Variants in CNTLN observed in about 807,000 individuals in gnomAD.
CNTLN encodes the protein centlein.
A neutral mutation model predicts 180.0 loss-of-function variants in CNTLN; 212 were observed. The ratio of observed to expected loss-of-function variants is 1.18; its 90% CI spans 1.05 to 1.32. The LOEUF (loss-of-function observed/expected upper bound fraction) is 1.32. Ranked by LOEUF, CNTLN falls within the 40% of genes most tolerant of loss-of-function variation. The pLI is 0.00. For missense variants in CNTLN, 2,095 were observed against 1,610.9 expected (o/e 1.30, Z -5.14); for synonymous variants, 722 against 563.1 (o/e 1.28, Z -3.99).
rs944574845 is a variant in CNTLN at position 17,309,366 on chromosome 9, G to A, written c.1341+114G>A. 43 of 841,330 alleles carry A rather than the reference G, an allele frequency of 5.1e-5. No homozygotes were observed. The African/African-American group carries it at 5.3e-4, about 10-fold the overall frequency. 52.1% of individuals were successfully genotyped at this position (841,330 alleles called of 1,614,324 possible). ...ATTTGCATTTATTGGAGTATAAGAA[G>A]TGTGCAGATTGTTTTGCATTATACT... is the stretch of plus-strand genomic sequence containing the variant. On this transcript the variant is annotated intron_variant, in intron 8 of 25. Transcript: ENST00000380647.
At chr9:17,453,809 G>T (rs1454271576) in intron 18 of CNTLN, among the ~76,000 whole-genome samples, 4 of 152,156 alleles carry the variant, frequency 2.6e-5, no homozygotes, top group African/African-American at 7.2e-5. Context: ...CTTGTAGCTC[G>T]TCTCATAACA....
At chr9:17,388,030 G>T in intron 13 of CNTLN, 132 bp from the exon 14 acceptor site, 2 of 469,144 alleles carry the variant, frequency 4.3e-6, no homozygotes, top group Non-Finnish European at 7.4e-6. Flanking sequence ...TTAGTTACTG[G>T]CCAAATACTT....
At chr9:17,166,082 A>G (rs970471073) in intron 2 of CNTLN, among the ~76,000 whole-genome samples, 7 of 152,234 alleles carry the variant, frequency 4.6e-5, no homozygotes, top group Non-Finnish European at 1.0e-4. Context: ...AACCAGAAGT[A>G]ACAGAAAAAT....
At chr9:17,368,534 C>A (rs1412348490) in intron 13 of CNTLN, among the ~76,000 whole-genome samples, 1 of 152,142 alleles carries the variant, frequency 6.6e-6, no homozygotes, top group Non-Finnish European at 1.5e-5. Context: ...TACAGTGGGC[C>A]TTGGGTGAGA....
rs1817613920 is a variant in CNTLN, at chr9:17,135,199, C to T, written c.134C>T (p.Ala45Val). 1.2e-6 allele frequency: 2 copies of T among 1,610,524 alleles called. No homozygotes were observed. The highest frequency in any genetic ancestry group is 2.2e-5 in the South Asian group (2 of 90,122). ...GAGGCCTCGGGTTTTGCCGGCGCAG[C>T]GCGGGAGGTGGTCGCGGACGAAAGT... ...RSEASGFAGA[A>V]REVVADESDK... The change falls in exon 1 of 26, where the codon GCG (alanine) becomes GTG (valine). Residue 45 changes from alanine to valine, a missense_variant. Coordinates refer to ENST00000380647, the MANE Select transcript of CNTLN (RefSeq NM_017738.4).
chr9:17,249,237 C>G (rs950349558), intron 5 of CNTLN, among the ~76,000 whole-genome samples: 2 of 151,988 alleles, frequency 1.3e-5, no homozygotes, highest in African/African-American at 4.8e-5. Context: ...TGAGCAACTG[C>G]ATTTGCTACA....
At chr9:17,371,735 A>G (rs1249608363) in intron 13 of CNTLN, among the ~76,000 whole-genome samples, 4 of 152,268 alleles carry the variant, frequency 2.6e-5, no homozygotes, top group Middle Eastern at 3.4e-3. Context: ...CTCTTAAAAC[A>G]TTCAAAAAAC....
intron 13 of CNTLN, among the ~76,000 whole-genome samples, chr9:17,384,004 T>C (rs1039915488): frequency 1.3e-5 from 2 of 152,154 alleles, no homozygotes; most frequent in Non-Finnish European, 2.9e-5. Flanking sequence ...AGCTAATTCA[T>C]TTAAATATAA....
At chr9:17,359,717 T>TAAAAAAAAAAAAAAAAAAAAAAAAA (rs1456379699) in intron 12 of CNTLN, among the ~76,000 whole-genome samples, 1 of 13,474 alleles carries the variant, frequency 7.4e-5, no homozygotes, top group Non-Finnish European at 1.7e-4. Context: ...CCGTCTATAC[T>TAAAAAAAAAAAAAAAAAAAAAAAAA]AAAAATACAA....
At chr9:17,360,151 A>C (rs917722514) in intron 12 of CNTLN, among the ~76,000 whole-genome samples, 9 of 152,192 alleles carry the variant, frequency 5.9e-5, no homozygotes, top group African/African-American at 2.2e-4. Flanking sequence ...TTCTAAGTTC[A>C]AAATAATTCC....
Position 17,312,364 on chromosome 9 carries a change from T to TTATA in CNTLN, c.1341+3129_1341+3132dup, listed in dbSNP as rs1554685981. Among the ~76,000 whole-genome samples, 63 of 20,172 alleles carry TTATA rather than the reference T, an allele frequency of 3.1e-3. 1 individual carries two copies. Among genetic ancestry groups the TTATA allele is most frequent in the Middle Eastern group, 0.028 (1 of 36 alleles). 13.2% of individuals were successfully genotyped at this position (20,172 alleles called of 152,430 possible). On this transcript the variant is annotated intron_variant, in intron 8 of 25. Coordinates refer to ENST00000380647, the MANE Select transcript of CNTLN (RefSeq NM_017738.4). Reference sequence around the variant, plus strand: ...GTATTTATATATATATATATATATATTATATATATATATATATATAATTTA... The same window carrying TTATA: ...GTATTTATATATATATATATATATATTATATATATATATATATATATATAATTTA...
the CNTLN span, among the ~76,000 whole-genome samples, chr9:17,527,619 G>T: frequency 6.6e-6 from 1 of 152,142 alleles, no homozygotes; most frequent in Non-Finnish European, 1.5e-5. Flanking sequence ...GTGTGGTAAA[G>T]AATTAGAGTT....
the CNTLN span, among the ~76,000 whole-genome samples, chr9:17,522,633 C>T: frequency 2.6e-5 from 4 of 152,120 alleles, no homozygotes; most frequent in African/African-American, 9.7e-5. Context: ...GAGAAGCAGA[C>T]TTGGCTGGCA....
At chr9:17,480,952 A>C (rs1265291639) in intron 23 of CNTLN, among the ~76,000 whole-genome samples, 1 of 152,218 alleles carries the variant, frequency 6.6e-6, no homozygotes, top group Non-Finnish European at 1.5e-5. Flanking sequence ...CACAAAAACA[A>C]ATTTGTCAAG....
chr9:17,169,779 C>T (rs1324046618), intron 2 of CNTLN, among the ~76,000 whole-genome samples: 3 of 151,938 alleles, frequency 2.0e-5, no homozygotes, highest in Non-Finnish European at 4.4e-5. Context: ...TATGCCAGTA[C>T]CGTGCTGTTT....
intron 15 of CNTLN, among the ~76,000 whole-genome samples, chr9:17,404,020 C>T (rs1034617268): frequency 1.3e-5 from 2 of 151,768 alleles, no homozygotes; most frequent in Non-Finnish European, 2.9e-5. Flanking sequence ...AGGTGATTCA[C>T]CTGCCTCAGC....
At chr9:17,309,607 T>C (rs1818984420) in intron 8 of CNTLN, among the ~76,000 whole-genome samples, 1 of 152,024 alleles carries the variant, frequency 6.6e-6, no homozygotes, top group Non-Finnish European at 1.5e-5. Context: ...TTTCATAAAG[T>C]ACTTGCCATA....
At chr9:17,235,821 G>T in intron 4 of CNTLN, 29 bp downstream of exon 4, 1 of 1,567,488 alleles carries the variant, frequency 6.4e-7, no homozygotes, top group South Asian at 1.2e-5. Flanking sequence ...AGTTTTGTGG[G>T]ACTGTTGCTT....
Position 17,231,611 on chromosome 9 carries a change from G to A in CNTLN, c.535-4047G>A, listed in dbSNP as rs951759897. 5.9e-5 allele frequency among the ~76,000 whole-genome samples: 9 copies of A among 151,840 alleles called. No individual in the cohort carries two copies. In the East Asian group the frequency reaches 1.4e-3, roughly 23 times the overall value. ...ACCTTCTAGGAAGCTCAGAAGTTTT[G>A]TTTCATAATTGCAATTACTTCTTTT... On this transcript the variant is annotated intron_variant, in intron 3 of 25. Transcript: ENST00000380647.
Sources: allele counts gnomAD v4.1 joint callset (sites outside exome capture counted in the v4.1 genomes callset), GRCh38; gene constraint gnomAD v4.1.1; transcripts MANE v1.5; gene names NCBI Gene and HGNC (gene_info 2026-07-23, HGNC 2026-07-21).